Variants in KLF8 observed in about 807,000 individuals in gnomAD.
The protein encoded by KLF8 is Krueppel-like factor 8.
Under a neutral mutation model 18.2 loss-of-function variants are expected in KLF8, and 10 were observed. The ratio of observed to expected loss-of-function variants is 0.55; its 90% CI spans 0.34 to 0.93. KLF8 has a LOEUF of 0.93. Ranked by LOEUF, KLF8 falls within the 40% of genes least tolerant of loss-of-function variation. The pLI is 0.02. For synonymous variants in KLF8, 109 were observed against 97.3 expected, an observed-to-expected ratio of 1.12 and a Z score of -0.71; for missense variants, 264 against 277.9, an observed-to-expected ratio of 0.95 and a Z score of 0.36.
the KLF8 span, among the ~76,000 whole-genome samples, chrX:56,145,432 G>C: frequency 8.9e-6 from 1 of 112,150 alleles, no homozygotes; most frequent in Non-Finnish European, 1.9e-5. Context: ...GTTACCGGAT[G>C]GTCCAGCTAT....
chrX:56,265,323 G>T lies in KLF8; in HGVS notation c.225G>T (p.Leu75Phe), dbSNP rs143969730. Residue 75 changes from leucine (L) to phenylalanine (F), a missense_variant, in exon 3 of 6, where the codon TTG becomes TTT. By Grantham distance (22) the Leu-to-Phe change is conservative. Coordinates refer to ENST00000468660, the MANE Select transcript of KLF8 (RefSeq NM_007250.5). The part of the protein sequence containing the change: ...DIKIEPPEEL[L>F]ASDFSLPQVE... ...AGATTGAGCCCCCAGAAGAACTTTT[G>T]GCTAGTGATTTCAGCCTGCCCCAAG... 1.5e-3 allele frequency: 1,803 copies of T among 1,205,801 alleles called. 17 individuals are homozygous for T. In the African/African-American group the frequency reaches 0.028, roughly 19 times the overall value.
the KLF8 span, among the ~76,000 whole-genome samples, chrX:56,112,208 C>A: frequency 9.0e-6 from 1 of 111,639 alleles, no homozygotes; most frequent in Non-Finnish European, 1.9e-5. Context: ...TGGAAGCCAT[C>A]ATTCTCAACA....
At chrX:56,281,537 G>A (rs1156368602) in intron 5 of KLF8, among the ~76,000 whole-genome samples, 1 of 111,294 alleles carries the variant, frequency 9.0e-6, no homozygotes, top group Non-Finnish European at 1.9e-5. Flanking sequence ...AGCCTCCCAA[G>A]TAGCGGGACT....
the KLF8 span, among the ~76,000 whole-genome samples, chrX:56,007,205 G>A: frequency 9.0e-6 from 1 of 111,620 alleles, no homozygotes; most frequent in Non-Finnish European, 1.9e-5. Flanking sequence ...TCATAATGTT[G>A]CATTCCTCTG....
the KLF8 span, among the ~76,000 whole-genome samples, chrX:56,128,988 A>T: frequency 8.9e-6 from 1 of 111,780 alleles, no homozygotes; most frequent in African/African-American, 3.2e-5. Context: ...AAAAATTACT[A>T]GTCATGTACT....
chrX:55,986,121 A>G, the KLF8 span, among the ~76,000 whole-genome samples: 1 of 111,102 alleles, frequency 9.0e-6, no homozygotes, highest in African/African-American at 3.3e-5. Context: ...ATATTCGAAT[A>G]CCTTTATTTC....
At chrX:56,064,083 G>GTATATATATACATATATACA in the KLF8 span, among the ~76,000 whole-genome samples, 3 of 105,125 alleles carry the variant, frequency 2.9e-5, no homozygotes, top group Non-Finnish European at 5.8e-5. Flanking sequence ...ATACATGTGT[G>GTATATATATACATATATACA]TGTATATATA....
the KLF8 span, among the ~76,000 whole-genome samples, chrX:55,949,164 G>A: frequency 6.3e-5 from 7 of 111,665 alleles, no homozygotes; most frequent in Admixed American, 4.8e-4. Context: ...TATGGTTTAC[G>A]ACTCAAATTA....
chrX:56,085,707 T>C, the KLF8 span, among the ~76,000 whole-genome samples: 1 of 112,238 alleles, frequency 8.9e-6, no homozygotes, highest in African/African-American at 3.2e-5. Context: ...AGATGAACCA[T>C]AAGAAAAACA....
At chrX:56,078,253 A>G in the KLF8 span, among the ~76,000 whole-genome samples, 1 of 111,952 alleles carries the variant, frequency 8.9e-6, no homozygotes, top group Non-Finnish European at 1.9e-5. Flanking sequence ...GTTTTTGCCC[A>G]TTCAATATGA....
the KLF8 span, among the ~76,000 whole-genome samples, chrX:56,026,869 C>A: frequency 8.9e-6 from 1 of 112,644 alleles, no homozygotes; most frequent in African/African-American, 3.2e-5. Flanking sequence ...TTGGGCATCT[C>A]TGTGAAGTCC....
At chrX:56,021,277 A>G in the KLF8 span, among the ~76,000 whole-genome samples, 1 of 111,806 alleles carries the variant, frequency 8.9e-6, no homozygotes, top group Non-Finnish European at 1.9e-5. Context: ...TGTGTGCAGC[A>G]GTGGTTTGTT....
the KLF8 span, among the ~76,000 whole-genome samples, chrX:56,206,904 A>T: frequency 8.9e-6 from 1 of 112,549 alleles, no homozygotes; most frequent in Non-Finnish European, 1.9e-5. Context: ...AAGCATTTCC[A>T]TACATCCTCT....
chrX:56,111,646 C>T, the KLF8 span, among the ~76,000 whole-genome samples: 1 of 111,867 alleles, frequency 8.9e-6, no homozygotes, highest in African/African-American at 3.2e-5. Flanking sequence ...AAAAAACAAA[C>T]AACCCTATCA....
At chrX:56,233,600 A>G (rs2066430302) in intron 1 of KLF8, among the ~76,000 whole-genome samples, 1 of 111,574 alleles carries the variant, frequency 9.0e-6, no homozygotes. Context: ...GAATGGATGG[A>G]TTTGTCTAGT....
At chrX:55,983,300 G>T in the KLF8 span, among the ~76,000 whole-genome samples, 6 of 111,209 alleles carry the variant, frequency 5.4e-5, no homozygotes, top group South Asian at 1.1e-3. Flanking sequence ...AATATGCTCA[G>T]TTTTCTGTAC....
chrX:56,224,882 T>C, the KLF8 span, among the ~76,000 whole-genome samples: 1 of 111,570 alleles, frequency 9.0e-6, no homozygotes, highest in Non-Finnish European at 1.9e-5. Context: ...GAGGGCTCAC[T>C]GCTTCCAAGA....
At chrX:56,080,060 T>C in the KLF8 span, among the ~76,000 whole-genome samples, 7 of 111,288 alleles carry the variant, frequency 6.3e-5, no homozygotes. Context: ...GTGAGATGGG[T>C]TTCCTGAATA....
the KLF8 span, among the ~76,000 whole-genome samples, chrX:56,198,166 T>C: frequency 8.9e-6 from 1 of 112,140 alleles, no homozygotes; most frequent in Non-Finnish European, 1.9e-5. Flanking sequence ...GCATTCCCTT[T>C]GAAAACTGGC....
Sources: allele counts gnomAD v4.1 joint callset (sites outside exome capture counted in the v4.1 genomes callset), GRCh38; gene constraint gnomAD v4.1.1; transcripts MANE v1.5; gene names NCBI Gene and HGNC (gene_info 2026-07-23, HGNC 2026-07-21).